The following CHST11 variants were observed in gnomAD, a reference collection of about 807,000 sequenced individuals.
CHST11 encodes the protein carbohydrate sulfotransferase 11, also known as C4S-1.
Under a neutral mutation model 30.4 loss-of-function variants are expected in CHST11, and 9 were observed. That is an observed-to-expected ratio of 0.30 (90% CI 0.18 to 0.52). The LOEUF is 0.52. CHST11 is among the 20% of genes least tolerant of loss of function. CHST11 has a pLI of 0.97. For synonymous variants in CHST11, 152 were observed against 187.8 expected, an observed-to-expected ratio of 0.81 and a Z score of 1.56; for missense variants, 348 against 460.6, an observed-to-expected ratio of 0.76 and a Z score of 2.24.
rs141157424 is a variant in CHST11, at chr12:104,510,891, G to A, written c.118+53362G>A. Among the ~76,000 whole-genome samples, 1,163 of 152,018 alleles carry A rather than the reference G, an allele frequency of 7.7e-3. 15 individuals carry two copies. The highest frequency in any genetic ancestry group is 0.027 in the African/African-American group (1,107 of 41,382). On this transcript the variant is annotated intron_variant, in intron 1 of 2. Coordinates refer to ENST00000303694, the MANE Select transcript of CHST11 (RefSeq NM_018413.6). ...TTTGATAGCTTGTACTTTGAGGAAT[G>A]TACTCATGAGAGCCTAGTCTTATAG...
intron 2 of CHST11, among the ~76,000 whole-genome samples, chr12:104,731,855 G>T (rs1423885723): frequency 6.6e-6 from 1 of 152,268 alleles, no homozygotes; most frequent in African/African-American, 2.4e-5. Flanking sequence ...AGGTGCATTT[G>T]TTTACTAAAT....
intron 1 of CHST11, among the ~76,000 whole-genome samples, chr12:104,487,960 G>A (rs889659865): frequency 1.3e-5 from 2 of 151,322 alleles, no homozygotes; most frequent in African/African-American, 2.4e-5. Flanking sequence ...CCAGGCTGGA[G>A]TGCAGTGACA....
chr12:104,733,965 C>T (rs1163432325), intron 2 of CHST11, among the ~76,000 whole-genome samples: 1 of 152,330 alleles, frequency 6.6e-6, no homozygotes, highest in East Asian at 1.9e-4. Context: ...AAAGTGTGTG[C>T]CTGTGGGGGC....
chr12:104,693,707 C>T (rs1427592793), intron 2 of CHST11, among the ~76,000 whole-genome samples: 1 of 152,052 alleles, frequency 6.6e-6, no homozygotes, highest in Non-Finnish European at 1.5e-5. Context: ...GGGAGGGCTT[C>T]CTGGAGGAGG....
intron 2 of CHST11, among the ~76,000 whole-genome samples, chr12:104,690,888 A>C (rs1432105636): frequency 6.6e-6 from 1 of 152,204 alleles, no homozygotes; most frequent in Non-Finnish European, 1.5e-5. Flanking sequence ...GTGATCGGGG[A>C]ATGTCAGACC....
intron 2 of CHST11, among the ~76,000 whole-genome samples, chr12:104,687,832 A>G (rs751977869): frequency 8.5e-5 from 13 of 152,130 alleles, no homozygotes; most frequent in Non-Finnish European, 1.5e-4. Context: ...AACACCAACA[A>G]TATTTCCTGG....
chr12:104,513,126 G>GGC lies in CHST11; in HGVS notation c.118+55598_118+55599insCG, dbSNP rs1393899226. ...CAGTGCTTCCAAATGTCATGACTGGGGGGGGGGGGGGTTGGGGGTGGGGAG... is the reference window on the plus strand; with the variant it reads ...CAGTGCTTCCAAATGTCATGACTGGGGCGGGGGGGGGGGTTGGGGGTGGGGAG... On this transcript the variant is annotated intron_variant, in intron 1 of 2. Coordinates refer to ENST00000303694, the MANE Select transcript of CHST11 (RefSeq NM_018413.6). 1.9e-3 allele frequency among the ~76,000 whole-genome samples: 106 copies of GGC among 54,840 alleles called. 12 individuals carry two copies. The highest frequency in any genetic ancestry group is 9.3e-3 in the South Asian group (14 of 1,506). The allele number at this position is 54,840 out of a possible 152,430, so 36.0% of individuals were successfully genotyped here. A position where few individuals can be genotyped will look rare whatever the true frequency, so the allele number is the denominator to read the frequency against.
At chr12:104,635,206 C>T (rs2039311784) in intron 2 of CHST11, among the ~76,000 whole-genome samples, 1 of 152,192 alleles carries the variant, frequency 6.6e-6, no homozygotes, top group African/African-American at 2.4e-5. Context: ...TCCGCACACC[C>T]TCACATCACC....
At chr12:104,542,391 A>G (rs1387085473) in intron 1 of CHST11, among the ~76,000 whole-genome samples, 1 of 152,256 alleles carries the variant, frequency 6.6e-6, no homozygotes, top group African/African-American at 2.4e-5. Flanking sequence ...AACCAAATGT[A>G]ATATAAACAT....
chr12:104,670,527 A>G (rs2039683082), intron 2 of CHST11, among the ~76,000 whole-genome samples: 1 of 150,830 alleles, frequency 6.6e-6, no homozygotes, highest in African/African-American at 2.4e-5. Context: ...CCATACACAC[A>G]TGCACTCACA....
intron 2 of CHST11, among the ~76,000 whole-genome samples, chr12:104,747,288 G>A (rs867283137): frequency 2.0e-4 from 31 of 152,162 alleles, no homozygotes; most frequent in African/African-American, 7.2e-4. Flanking sequence ...GCCTGGACTC[G>A]AACCCCAGAC....
At chr12:104,556,714 C>T (rs1478956674) in intron 1 of CHST11, among the ~76,000 whole-genome samples, 3 of 152,176 alleles carry the variant, frequency 2.0e-5, no homozygotes, top group Admixed American at 1.3e-4. Flanking sequence ...GGTGCGGTGG[C>T]TCACGCCTGT....
intron 1 of CHST11, among the ~76,000 whole-genome samples, chr12:104,566,848 C>G (rs1050254801): frequency 6.6e-6 from 1 of 151,874 alleles, no homozygotes; most frequent in Non-Finnish European, 1.5e-5. Flanking sequence ...CTGAATGGAA[C>G]CTTAGAATCT....
intron 2 of CHST11, among the ~76,000 whole-genome samples, chr12:104,614,321 G>A (rs959064561): frequency 2.6e-5 from 4 of 152,176 alleles, no homozygotes; most frequent in African/African-American, 9.7e-5. Context: ...GGAGTCTGAG[G>A]TGGGAGGATG....
At chr12:104,516,784 T>A (rs1311351971) in intron 1 of CHST11, among the ~76,000 whole-genome samples, 2 of 151,714 alleles carry the variant, frequency 1.3e-5, no homozygotes, top group African/African-American at 4.8e-5. Context: ...GAACGGAAGC[T>A]CAGGGCACCA....
intron 2 of CHST11, among the ~76,000 whole-genome samples, chr12:104,728,062 A>G (rs1285790968): frequency 1.3e-5 from 2 of 152,194 alleles, no homozygotes; most frequent in Non-Finnish European, 2.9e-5. Flanking sequence ...TGTTAAAAAC[A>G]ATGTCAGCAA....
At chr12:104,654,350 T>C (rs901630543) in intron 2 of CHST11, among the ~76,000 whole-genome samples, 1 of 152,024 alleles carries the variant, frequency 6.6e-6, no homozygotes, top group African/African-American at 2.4e-5. Flanking sequence ...TATAAGAAGG[T>C]GTAGGGCTGA....
chr12:104,757,446 T>C lies in CHST11; in HGVS notation c.702T>C (p.Asp234=), dbSNP rs1159492330. ...AGGAGGCCCTGCGCAAAGGGGACGATGTCAAATTCGAGGAGTTTGTGGCCT... is the reference window on the plus strand; with the variant it reads ...AGGAGGCCCTGCGCAAAGGGGACGACGTCAAATTCGAGGAGTTTGTGGCCT... ...ATQEALRKGD[D]VKFEEFVAYL... is the part of the protein sequence containing the mutation. The change falls in exon 3 of 3, where the codon GAT becomes GAC. Residue 234 remains aspartate (D), a synonymous_variant. Coordinates refer to ENST00000303694, the MANE Select transcript of CHST11 (RefSeq NM_018413.6). This position sits in a 1 kb window ranked among gnomAD's most constrained non-coding sequence, Gnocchi z 6.5. 2 of 1,614,030 alleles carry C rather than the reference T, an allele frequency of 1.2e-6. No homozygotes were observed. Among genetic ancestry groups the C allele is most frequent in the Admixed American group, 3.3e-5 (2 of 60,008 alleles).
rs1314887602 is a variant in CHST11 at position 104,759,481 on chromosome 12, G to T, written c.*1678G>T. 3 of 151,996 alleles carry T rather than the reference G, an allele frequency of 2.0e-5. No homozygotes were observed. The highest frequency in any genetic ancestry group is 2.9e-5 in the Non-Finnish European group (2 of 68,008). 9.4% of individuals were successfully genotyped at this position (151,996 alleles called of 1,614,324 possible). A position where few individuals can be genotyped will look rare whatever the true frequency, so the allele number is the denominator to read the frequency against. The stretch of plus-strand genomic sequence containing the variant: ...TTTAATAATAGGGGAGGGTGGGATG[G>T]GGTGTGGGTAAGTTTTGCCTTTTGT... On this transcript the variant is annotated 3_prime_UTR_variant, in exon 3 of 3. Coordinates refer to ENST00000303694, the MANE Select transcript of CHST11 (RefSeq NM_018413.6).
Sources: gnomAD v4.1 joint callset for allele counts (sites outside exome capture counted in the v4.1 genomes callset) on GRCh38, gnomAD v4.1.1 for gene constraint, Gnocchi (gnomAD v3.1) non-coding constraint, MANE v1.5 for transcripts, NCBI Gene and HGNC (gene_info 2026-07-23, HGNC 2026-07-21) for gene names.